SARS2: variants seen among roughly 807,000 people sequenced by gnomAD.
SARS2 encodes seryl-tRNA synthetase 2, mitochondrial.
In SARS2, 52 loss-of-function variants were observed where a neutral mutation model predicts 66.8. The observed-to-expected ratio is 0.78, with a 90% CI of 0.62 to 0.98. The LOEUF is 0.98. SARS2 is among the 50% of genes least tolerant of loss of function. The probability of loss-of-function intolerance (pLI) is 0.00; values close to 1 mark genes in which losing one functional copy is unlikely to be tolerated. For synonymous variants in SARS2, 306 were observed against 281.4 expected (o/e 1.09, Z -0.87); for missense variants, 673 against 706.3 (o/e 0.95, Z 0.53).
chr19:38,922,813 G>A (rs918168274), intron 2 of SARS2, among the ~76,000 whole-genome samples: 19 of 152,036 alleles, frequency 1.2e-4, no homozygotes, highest in Non-Finnish European at 1.8e-4. Context: ...TTCCCCTTCC[G>A]CCATGATTTT....
At chr19:38,930,284 T>C (rs902193830) in intron 1 of SARS2, among the ~76,000 whole-genome samples, 186 bp downstream of exon 1, 9 of 152,222 alleles carry the variant, frequency 5.9e-5, no homozygotes, top group Admixed American at 5.2e-4. Context: ...TCTTGGCACA[T>C]AGTAGGGCCT....
intron 5 of SARS2, among the ~76,000 whole-genome samples, chr19:38,920,682 T>C (rs140201534): frequency 1.2e-4 from 18 of 145,300 alleles, no homozygotes; most frequent in Non-Finnish European, 2.3e-4. Flanking sequence ...GACACACAGA[T>C]ACACGGATAC....
At chr19:38,919,547 C>T (rs975296239) in intron 7 of SARS2, among the ~76,000 whole-genome samples, 1 of 152,208 alleles carries the variant, frequency 6.6e-6, no homozygotes, top group Non-Finnish European at 1.5e-5. Context: ...ATAGGTACCT[C>T]CCCTCTCTGG....
intron 2 of SARS2, 146 bp from the exon 3 acceptor site, chr19:38,922,413 TTC>T: frequency 1.0e-5 from 8 of 780,224 alleles, no homozygotes; most frequent in South Asian, 7.1e-5. Context: ...AACTCTGTGT[TTC>T]TGTTTCTCTA....
intron 2 of SARS2, among the ~76,000 whole-genome samples, chr19:38,923,226 T>TC (rs1250493426): frequency 2.5e-5 from 3 of 118,114 alleles, no homozygotes; most frequent in Non-Finnish European, 5.2e-5. Flanking sequence ...TTTCTTTTTT[T>TC]TTTTTTTTTT....
At position 38,915,768 on chromosome 19, in the gene SARS2, T is replaced by A; in HGVS notation, c.1414-19A>T. The A allele has an allele frequency of 6.2e-7, 1 of 1,612,844 alleles. No homozygotes were observed. Among genetic ancestry groups the A allele is most frequent in the Non-Finnish European group, 8.5e-7 (1 of 1,179,880 alleles). ...AGCCGTCCTGGGGACAGAGCAGACC[T>A]CAGGACACTGCAGATGCCCCAGCCC... On this transcript the variant is annotated intron_variant, in intron 15 of 15. Transcript: ENST00000221431.
intron 12 of SARS2, among the ~76,000 whole-genome samples, chr19:38,916,731 C>T (rs976822941): frequency 3.4e-5 from 5 of 149,138 alleles, no homozygotes; most frequent in African/African-American, 9.9e-5. Context: ...GGCGCGATCT[C>T]GGCTCACTGC....
At position 38,921,456 on chromosome 19, in the gene SARS2, G is replaced by A. The variant is rs1340854881; in HGVS notation, c.535-10C>T. ...TCTCATCCCCGACGGGCTGCAGGGA[G>A]ACAGCAGGAGTCACGGAAAGGTGGC... On this transcript the variant is annotated splice_polypyrimidine_tract_variant and intron_variant, in intron 4 of 15. Coordinates refer to ENST00000221431, the MANE Select transcript of SARS2 (RefSeq NM_017827.4). 6.2e-7 allele frequency: 1 copy of A among 1,614,144 alleles called. No homozygotes were observed. The highest frequency in any genetic ancestry group is 2.2e-5 in the East Asian group (1 of 44,878).
intron 2 of SARS2, among the ~76,000 whole-genome samples, chr19:38,924,683 G>A (rs765301904): frequency 3.9e-5 from 6 of 151,942 alleles, no homozygotes; most frequent in African/African-American, 9.7e-5. Flanking sequence ...TCACTCTGTC[G>A]CCCAGGCTGC....
chr19:38,918,755 G>C lies in SARS2; in HGVS notation c.807+11C>G, dbSNP rs774283547. 5 of 1,557,838 alleles carry C rather than the reference G, an allele frequency of 3.2e-6. No individual in the cohort carries two copies. Among genetic ancestry groups the C allele is most frequent in the Non-Finnish European group, 3.5e-6 (4 of 1,150,234 alleles). On this transcript the variant is annotated intron_variant, in intron 8 of 15. Coordinates refer to ENST00000221431, the MANE Select transcript of SARS2 (RefSeq NM_017827.4). ...CCAGGTGGGCGAGGGAAGCGGAGAG[G>C]CCTCACTCACAAACACTGCTCCGCG...
At chr19:38,925,093 C>G (rs893646586) in intron 2 of SARS2, among the ~76,000 whole-genome samples, 4 of 152,202 alleles carry the variant, frequency 2.6e-5, no homozygotes, top group Non-Finnish European at 5.9e-5. Context: ...GCGGGTGGAT[C>G]ACCTGAGGTG....
intron 1 of SARS2, among the ~76,000 whole-genome samples, chr19:38,928,907 G>A (rs1448982485): frequency 1.3e-5 from 2 of 152,268 alleles, no homozygotes; most frequent in East Asian, 1.9e-4. Flanking sequence ...TAGTATATAT[G>A]TATAGTTGTA....
At position 38,917,719 on chromosome 19, in the gene SARS2, C is replaced by T. The variant is rs775131040; in HGVS notation, c.1160+5G>A. 10 of 1,594,502 alleles carry T rather than the reference C, an allele frequency of 6.3e-6. No homozygotes were observed. The highest frequency in any genetic ancestry group is 3.3e-5 in the Admixed American group (2 of 59,832). ...CATCCCTGGATCCCTGGCCCCTCTC[C>T]ACACCGGAAGTGCAAGCCCAGCTCT... On this transcript the variant is annotated splice_donor_5th_base_variant and intron_variant, in intron 12 of 15. Coordinates refer to ENST00000221431, the MANE Select transcript of SARS2 (RefSeq NM_017827.4).
At chr19:38,918,168 G>A (rs1369638991) in intron 9 of SARS2, 29 bp from the exon 10 acceptor site, 1 of 1,580,488 alleles carries the variant, frequency 6.3e-7, no homozygotes, top group Non-Finnish European at 8.6e-7. Context: ...GGGTGAGCCA[G>A]GGCTGCCAGT....
intron 5 of SARS2, 89 bp downstream of exon 5, chr19:38,921,303 G>T: frequency 7.3e-7 from 1 of 1,377,780 alleles, no homozygotes; most frequent in Non-Finnish European, 1.0e-6. Context: ...CTCCAGACAT[G>T]TTCCCAGACC....
intron 8 of SARS2, 84 bp from the exon 9 acceptor site, chr19:38,918,614 C>A: frequency 7.2e-7 from 1 of 1,385,880 alleles, no homozygotes; most frequent in Admixed American, 1.8e-5. Context: ...AGCTCCTCCC[C>A]TGAAAACATC....
chr19:38,919,770 G>A lies in SARS2; in HGVS notation c.751C>T (p.Leu251Phe). 1 of 1,614,024 alleles carries A rather than the reference G, an allele frequency of 6.2e-7. No individual in the cohort carries two copies. Among genetic ancestry groups the A allele is most frequent in the African/African-American group, 1.3e-5 (1 of 75,036 alleles). The change falls in exon 7 of 16, where the codon CTC becomes TTC. Residue 251 changes from leucine (L) to phenylalanine (F), a missense_variant. By Grantham distance (22) the Leu-to-Phe change is conservative. Coordinates refer to ENST00000221431, the MANE Select transcript of SARS2 (RefSeq NM_017827.4). ...GLVNFTFNKLLRRGFTPMTVP... is the reference protein window; with the variant it reads ...GLVNFTFNKLFRRGFTPMTVP... ...CCTATCTTGGCCCATACCCGGCGGA[G>A]AAGCTTGTTGAATGTGAAGTTGACC...
chr19:38,930,635 G>A lies in SARS2; in HGVS notation c.102C>T (p.Phe34=). The A allele has an allele frequency of 6.2e-7, 1 of 1,614,140 alleles. No individual in the cohort carries two copies. ...CISNDSPRRS[F]TTEKRNRNLL... is the part of the protein sequence containing the mutation. ...GGTTCCGGTTTCGTTTCTCTGTAGT[G>A]AAACTTCTCCTTGGACTATCGTTGG... The change falls in exon 1 of 16, where the codon TTC becomes TTT. Residue 34 remains phenylalanine (F), a synonymous_variant. Coordinates refer to ENST00000221431, the MANE Select transcript of SARS2 (RefSeq NM_017827.4).
intron 1 of SARS2, chr19:38,930,168 T>G (rs763389197): frequency 2.6e-6 from 1 of 379,672 alleles, no homozygotes; most frequent in Non-Finnish European, 4.8e-6. Flanking sequence ...GGCATGAGGT[T>G]GCAGCACGGA....
Sources: gnomAD v4.1 joint callset for allele counts (sites outside exome capture counted in the v4.1 genomes callset) on GRCh38, gnomAD v4.1.1 for gene constraint, MANE v1.5 for transcripts, NCBI Gene and HGNC (gene_info 2026-07-23, HGNC 2026-07-21) for gene names.